RRP1: variants seen among roughly 807,000 people sequenced by gnomAD.
RRP1 encodes ribosomal RNA processing protein 1 homolog A.
RRP1 carries 37 observed loss-of-function variants against 54.6 expected under a neutral mutation model. The ratio of observed to expected loss-of-function variants is 0.68; its 90% CI spans 0.52 to 0.89. The LOEUF (loss-of-function observed/expected upper bound fraction) is 0.89. Ranked by LOEUF, RRP1 falls within the 40% of genes least tolerant of loss-of-function variation. RRP1 has a pLI of 0.00. For synonymous variants in RRP1, 262 were observed against 244.3 expected (o/e 1.07, Z -0.67); for missense variants, 639 against 612.5 (o/e 1.04, Z -0.46).
intron 8 of RRP1, among the ~76,000 whole-genome samples, chr21:43,799,281 C>CTG (rs1436077861): frequency 1.3e-5 from 2 of 151,986 alleles, no homozygotes; most frequent in African/African-American, 4.8e-5. Context: ...GTGTAGGCAC[C>CTG]TGTGCCCTGG....
chr21:43,789,637 C>G lies in RRP1; in HGVS notation c.8C>G (p.Ser3Trp). The G allele has an allele frequency of 1.3e-6, 2 of 1,586,552 alleles. No individual in the cohort carries two copies. Among genetic ancestry groups the G allele is most frequent in the Non-Finnish European group, 1.7e-6 (2 of 1,168,064 alleles). The change falls in exon 1 of 13, where the codon TCG (serine) becomes TGG (tryptophan). Residue 3 changes from serine to tryptophan, a missense_variant. Physicochemically the swap from Ser to Trp is radical, Grantham distance 177. Transcript: ENST00000497547. MV[S>W]RVQLPPEIQL... ...GTCTCGGCCGTCGGCGTCATGGTTTCGCGCGTGCAGCTCCCGCCTGAGATC... is the reference window on the plus strand; with the variant it reads ...GTCTCGGCCGTCGGCGTCATGGTTTGGCGCGTGCAGCTCCCGCCTGAGATC...
At chr21:43,801,006 T>G (rs894076590) in intron 11 of RRP1, 125 bp downstream of exon 11, 14 of 1,062,232 alleles carry the variant, frequency 1.3e-5, no homozygotes, top group Admixed American at 1.2e-4. Flanking sequence ...CCTGGTGGTG[T>G]TTCTGAGGGA....
In RRP1 at chr21:43,804,344, CGT is replaced by C; in HGVS notation, c.*578_*579del. 3 of 152,496 alleles carry C rather than the reference CGT, an allele frequency of 2.0e-5. No homozygotes were observed. Among genetic ancestry groups the C allele is most frequent in the East Asian group, 1.9e-4 (1 of 5,186 alleles). The allele number at this position is 152,496 out of a possible 1,614,324, so 9.4% of individuals were successfully genotyped here. ...TAAGGCCTGGATTGCCCGGGGTGAG[CGT>C]GTGTGTGGTGGGAAGACCTGGCTTC... On this transcript the variant is annotated 3_prime_UTR_variant, in exon 13 of 13. Coordinates refer to ENST00000497547, the MANE Select transcript of RRP1 (RefSeq NM_003683.6). This position sits in a 1 kb window ranked among gnomAD's most constrained non-coding sequence, Gnocchi z 4.3.
intron 8 of RRP1, among the ~76,000 whole-genome samples, chr21:43,798,670 ACT>A (rs1408329555): frequency 6.6e-6 from 1 of 151,184 alleles, no homozygotes; most frequent in East Asian, 2.0e-4. Flanking sequence ...GGGCAGGTGT[ACT>A]CACCTGCCCC....
chr21:43,791,627 C>G (rs953418439), intron 2 of RRP1, among the ~76,000 whole-genome samples, 195 bp downstream of exon 2: 1 of 152,232 alleles, frequency 6.6e-6, no homozygotes, highest in Non-Finnish European at 1.5e-5. Flanking sequence ...CTCAGCCTCC[C>G]AAGTAGCTGG....
intron 3 of RRP1, 134 bp from the exon 4 acceptor site, chr21:43,793,185 T>C (rs1007541340): frequency 1.3e-6 from 1 of 754,790 alleles, no homozygotes; most frequent in East Asian, 2.5e-5. Flanking sequence ...GATCCAGTTC[T>C]GGGGGTAGGG....
chr21:43,802,313 G>A lies in RRP1; in HGVS notation c.1049G>A (p.Arg350Lys). 2 of 1,613,962 alleles carry A rather than the reference G, an allele frequency of 1.2e-6. No individual in the cohort carries two copies. The highest frequency in any genetic ancestry group is 1.3e-5 in the African/African-American group (1 of 75,012). ...GATGAGATCCCAGAGAAGGCCTGCA[G>A]GCGCCTGCTTGAAGGGAGGCGGCAG... ...PEDEIPEKAC[R>K]RLLEGRRQKK... Residue 350 changes from arginine to lysine, a missense_variant, in exon 12 of 13, where the codon AGG (arginine) becomes AAG (lysine). Coordinates refer to ENST00000497547, the MANE Select transcript of RRP1 (RefSeq NM_003683.6).
intron 10 of RRP1, 69 bp from the exon 11 acceptor site, chr21:43,800,793 C>G (rs1265186161): frequency 6.2e-7 from 1 of 1,602,774 alleles, no homozygotes; most frequent in Admixed American, 1.7e-5. Flanking sequence ...TGCAGCCGCT[C>G]TAGCTGGAGC....
chr21:43,800,420 T>A lies in RRP1; in HGVS notation c.892-97T>A. 2.7e-6 allele frequency: 3 copies of A among 1,120,624 alleles called. No individual in the cohort carries two copies. In the South Asian group the frequency reaches 4.0e-5, roughly 15 times the overall value. 69.4% of individuals were successfully genotyped at this position (1,120,624 alleles called of 1,614,324 possible). A position where few individuals can be genotyped will look rare whatever the true frequency, so the allele number is the denominator to read the frequency against. On this transcript the variant is annotated intron_variant, in intron 9 of 12. Transcript: ENST00000497547. ...GTGAGCCGGGTGGAGAACCTGCAAG[T>A]GGGACCAAGTGCTATCTGGGTCTCA... is the stretch of plus-strand genomic sequence containing the variant.
In RRP1 at chr21:43,792,674, A is replaced by G. The variant is rs2084972861; in HGVS notation, c.219A>G (p.Glu73=). ...CGTTTTTGTTGTTTCCTACACAGGA[A>G]GAATTAGGAAGGACTATTTCCCAGC... ...MWMQDKPLLQ[E]ELGRTISQLV... Residue 73 remains glutamate (E), a splice_region_variant and synonymous_variant, in exon 3 of 13, where the codon GAA becomes GAG. Transcript: ENST00000497547. 1.2e-6 allele frequency: 2 copies of G among 1,614,086 alleles called. No homozygotes were observed. The highest frequency in any genetic ancestry group is 1.1e-5 in the South Asian group (1 of 91,080).
intron 1 of RRP1, chr21:43,790,982 C>G (rs1297216025): frequency 2.2e-6 from 1 of 462,536 alleles, no homozygotes; most frequent in Admixed American, 2.3e-5. Flanking sequence ...TGCAGAAGCC[C>G]TCAGTATAAT....
At chr21:43,800,454 A>G in intron 9 of RRP1, 63 bp from the exon 10 acceptor site, 1 of 1,521,938 alleles carries the variant, frequency 6.6e-7, no homozygotes, top group East Asian at 2.3e-5. Flanking sequence ...CAGGGGTTCC[A>G]CGTTCTCGGA....
intron 10 of RRP1, 103 bp downstream of exon 10, chr21:43,800,717 C>G (rs2085079572): frequency 4.6e-6 from 7 of 1,507,384 alleles, no homozygotes; most frequent in Non-Finnish European, 6.4e-6. Flanking sequence ...TCCGCAGCCC[C>G]CGGGGTGATC....
At chr21:43,800,666 TC>T (rs1569017560) in intron 10 of RRP1, 52 bp downstream of exon 10, 1 of 1,586,092 alleles carries the variant, frequency 6.3e-7, no homozygotes, top group East Asian at 2.2e-5. Context: ...AGTTGCCCTT[TC>T]TTGCTCAGAT....
rs1459360360 is a variant in RRP1, at chr21:43,803,656, G to A, written c.1268G>A (p.Arg423Lys). Residue 423 changes from arginine (R) to lysine (K), a missense_variant, in exon 13 of 13, where the codon AGG becomes AAG. Transcript: ENST00000497547. ...CGGGCCCTGCTCCGAGATCAGCCCA[G>A]GGGCCGTGGCCAGAGAGGGGCTCGC... ...AERALLRDQP[R>K]GRGQRGARQR... 1 of 1,551,748 alleles carries A rather than the reference G, an allele frequency of 6.4e-7. No homozygotes were observed. The highest frequency in any genetic ancestry group is 8.7e-7 in the Non-Finnish European group (1 of 1,148,094).
At chr21:43,799,009 A>AGTGCCTGCTGCTGGCCCCCTG (rs1413820438) in intron 8 of RRP1, among the ~76,000 whole-genome samples, 4 of 149,644 alleles carry the variant, frequency 2.7e-5, no homozygotes, top group African/African-American at 9.9e-5. Flanking sequence ...CAGGTCCGCT[A>AGTGCCTGCTGCTGGCCCCCTG]GTGCCTGCTG....
chr21:43,798,276 C>T (rs1401253571), intron 8 of RRP1, among the ~76,000 whole-genome samples, 176 bp downstream of exon 8: 2 of 152,150 alleles, frequency 1.3e-5, no homozygotes, highest in African/African-American at 2.4e-5. Flanking sequence ...AAGCACACGT[C>T]GTTTCCCCTC....
intron 11 of RRP1, among the ~76,000 whole-genome samples, chr21:43,801,956 G>A (rs1451251857): frequency 1.3e-5 from 2 of 152,048 alleles, no homozygotes; most frequent in South Asian, 2.1e-4. Context: ...TTGAACTGGT[G>A]AATATGATGC....
Position 43,789,736 on chromosome 21 carries a change from T to C in RRP1, c.107T>C (p.Ile36Thr). The C allele has an allele frequency of 6.5e-7, 1 of 1,536,892 alleles. No homozygotes were observed. Among genetic ancestry groups the C allele is most frequent in the East Asian group, 2.6e-5 (1 of 38,528 alleles). Residue 36 changes from isoleucine to threonine, a missense_variant, in exon 1 of 13, where the codon ATC becomes ACC. Physicochemically the swap from Ile to Thr is moderately conservative, Grantham distance 89 (BLOSUM62 -1). Coordinates refer to ENST00000497547, the MANE Select transcript of RRP1 (RefSeq NM_003683.6). ...DRAVRKLRKY[I>T]VARTQRAAGG... is the part of the protein sequence containing the mutation. ...GCGGTGAGGAAGCTCCGGAAATACA[T>C]CGTCGCCAGGACTCAGCGGGCCGCA... is the stretch of plus-strand genomic sequence containing the variant.
Sources: gnomAD v4.1 joint callset for allele counts (sites outside exome capture counted in the v4.1 genomes callset) on GRCh38, gnomAD v4.1.1 for gene constraint, Gnocchi (gnomAD v3.1) non-coding constraint, MANE v1.5 for transcripts, NCBI Gene and HGNC (gene_info 2026-07-23, HGNC 2026-07-21) for gene names.